The following CDK14 variants were observed in gnomAD, a reference collection of about 807,000 sequenced individuals.
CDK14 encodes cyclin dependent kinase 14, also known as cyclin-dependent kinase 14.
In CDK14, 34 loss-of-function variants were observed where a neutral mutation model predicts 60.7. The ratio of observed to expected loss-of-function variants is 0.56; its 90% CI spans 0.43 to 0.75. The LOEUF is 0.75. CDK14 is among the 30% of genes least tolerant of loss of function. The pLI is 0.00. For missense variants in CDK14, 482 were observed against 564.1 expected, an observed-to-expected ratio of 0.85 and a Z score of 1.47; for synonymous variants, 197 against 203.7, an observed-to-expected ratio of 0.97 and a Z score of 0.28.
intron 2 of CDK14, among the ~76,000 whole-genome samples, chr7:90,605,941 G>A (rs960074589): frequency 1.3e-5 from 2 of 152,164 alleles, no homozygotes; most frequent in African/African-American, 4.8e-5. Flanking sequence ...GGTTAAAGAT[G>A]TGTCAAACCT....
intron 9 of CDK14, among the ~76,000 whole-genome samples, chr7:90,958,464 T>G (rs1001748252): frequency 6.6e-6 from 1 of 152,176 alleles, no homozygotes; most frequent in African/African-American, 2.4e-5. Flanking sequence ...AGACTAAAGA[T>G]GATCATCTGT....
chr7:90,803,535 GTAATT>G (rs1469543111), intron 5 of CDK14, among the ~76,000 whole-genome samples: 1 of 152,106 alleles, frequency 6.6e-6, no homozygotes, highest in Non-Finnish European at 1.5e-5. Flanking sequence ...TCTGGATTGG[GTAATT>G]AGGTAGATAG....
chr7:91,103,195 G>A (rs1257192983), intron 12 of CDK14, among the ~76,000 whole-genome samples: 2 of 152,052 alleles, frequency 1.3e-5, no homozygotes, highest in South Asian at 2.1e-4. Flanking sequence ...AGAGGCTGCA[G>A]CAAGCCGAGA....
chr7:90,903,656 G>C (rs575831857), intron 7 of CDK14, among the ~76,000 whole-genome samples: 8 of 152,004 alleles, frequency 5.3e-5, no homozygotes, highest in South Asian at 2.1e-4. Flanking sequence ...CAGCACAGTA[G>C]TCTAACAATA....
intron 5 of CDK14, among the ~76,000 whole-genome samples, chr7:90,793,925 G>A (rs1338364952): frequency 6.6e-6 from 1 of 152,076 alleles, no homozygotes; most frequent in Non-Finnish European, 1.5e-5. Context: ...GTCAGTCTCT[G>A]CTCTAATACA....
intron 12 of CDK14, among the ~76,000 whole-genome samples, chr7:91,081,547 G>A (rs892819719): frequency 6.6e-6 from 1 of 152,164 alleles, no homozygotes; most frequent in Non-Finnish European, 1.5e-5. Context: ...AAGTAACAAT[G>A]CTTTTAAAAA....
At chr7:90,738,698 G>T (rs1316706773) in intron 3 of CDK14, among the ~76,000 whole-genome samples, 2 of 152,168 alleles carry the variant, frequency 1.3e-5, no homozygotes, top group African/African-American at 4.8e-5. Context: ...GATAAGCAGA[G>T]AATAGTTGTC....
intron 9 of CDK14, among the ~76,000 whole-genome samples, chr7:90,974,398 A>G (rs1228264381): frequency 1.3e-5 from 2 of 152,178 alleles, no homozygotes. Flanking sequence ...GGATTAAGAG[A>G]TTAAGACAGG....
At chr7:90,840,475 G>A (rs954304883) in intron 5 of CDK14, among the ~76,000 whole-genome samples, 4 of 152,192 alleles carry the variant, frequency 2.6e-5, no homozygotes, top group African/African-American at 9.7e-5. Context: ...TTAACTATAA[G>A]TTCCCATTTG....
At chr7:90,943,832 G>A (rs1794011702) in intron 8 of CDK14, among the ~76,000 whole-genome samples, 1 of 152,164 alleles carries the variant, frequency 6.6e-6, no homozygotes, top group South Asian at 2.1e-4. Context: ...GTTGGGGTGG[G>A]TCCTGCTACA....
intron 7 of CDK14, among the ~76,000 whole-genome samples, chr7:90,906,483 A>C (rs1792708736): frequency 6.6e-6 from 1 of 152,112 alleles, no homozygotes; most frequent in African/African-American, 2.4e-5. Context: ...ATGGTGAACA[A>C]TAGGAAAAAG....
intron 4 of CDK14, among the ~76,000 whole-genome samples, chr7:90,775,038 G>A (rs1368497615): frequency 6.6e-6 from 1 of 152,140 alleles, no homozygotes; most frequent in African/African-American, 2.4e-5. Flanking sequence ...CTTTGGAGAT[G>A]CTTTTTTCAT....
At chr7:90,942,679 T>C (rs1793971454) in intron 8 of CDK14, among the ~76,000 whole-genome samples, 1 of 152,172 alleles carries the variant, frequency 6.6e-6, no homozygotes, top group Non-Finnish European at 1.5e-5. Flanking sequence ...CCTGAGTCAG[T>C]AAACATCTTC....
intron 8 of CDK14, among the ~76,000 whole-genome samples, chr7:90,939,434 T>C: frequency 6.6e-6 from 1 of 152,194 alleles, no homozygotes; most frequent in Non-Finnish European, 1.5e-5. Context: ...TCCTAAAAAA[T>C]ACAGCATGTG....
At chr7:90,757,291 A>G (rs573827144) in intron 4 of CDK14, among the ~76,000 whole-genome samples, 2 of 144,502 alleles carry the variant, frequency 1.4e-5, no homozygotes, top group Non-Finnish European at 3.0e-5. Context: ...TTCTGTCAGG[A>G]CATGAGTTAT....
intron 12 of CDK14, among the ~76,000 whole-genome samples, chr7:91,101,067 A>T (rs1331925973): frequency 6.6e-6 from 1 of 152,200 alleles, no homozygotes; most frequent in Non-Finnish European, 1.5e-5. Context: ...AGCATAGGAC[A>T]GTGGAGGTGT....
At chr7:90,844,729 G>C (rs1391303410) in intron 5 of CDK14, among the ~76,000 whole-genome samples, 1 of 152,118 alleles carries the variant, frequency 6.6e-6, no homozygotes, top group Non-Finnish European at 1.5e-5. Context: ...AATCGTATTG[G>C]AAAGTTCTTT....
intron 2 of CDK14, among the ~76,000 whole-genome samples, chr7:90,672,257 C>T (rs62469728): frequency 0.12 from 18,309 of 152,048 alleles, 1,199 homozygotes; most frequent in South Asian, 0.15. Context: ...AAAACCATTA[C>T]CACGGTTTTA....
chr7:91,145,635 C>CA (rs1800603209), intron 14 of CDK14, among the ~76,000 whole-genome samples: 1 of 152,188 alleles, frequency 6.6e-6, no homozygotes, highest in Admixed American at 6.5e-5. Context: ...AATGGCTTGC[C>CA]AGGCTGGTCA....
Sources: gnomAD v4.1 joint callset for allele counts (sites outside exome capture counted in the v4.1 genomes callset) on GRCh38, gnomAD v4.1.1 for gene constraint, MANE v1.5 for transcripts, NCBI Gene and HGNC (gene_info 2026-07-23, HGNC 2026-07-21) for gene names.